Variants in SASH1 observed in about 807,000 individuals in gnomAD.
SASH1 encodes the protein SAM and SH3 domain-containing protein 1.
A neutral mutation model predicts 125.2 loss-of-function variants in SASH1; 44 were observed. The observed-to-expected ratio is 0.35, with a 90% CI of 0.28 to 0.45. The LOEUF is 0.45. Among genes scored for constraint, SASH1 ranks in the 20% least tolerant of loss-of-function variants. The pLI, the probability that SASH1 is intolerant of heterozygous loss-of-function variation, is 1.00. For synonymous variants in SASH1, 639 were observed against 649.1 expected (o/e 0.98, Z 0.24); for missense variants, 1,426 against 1,614.5 (o/e 0.88, Z 2.00).
exon 1 of SASH1, chr6:148,272,323 A>T: frequency 2.1e-6 from 1 of 470,534 alleles, no homozygotes; most frequent in Non-Finnish European, 4.4e-6. Flanking sequence ...AGGAAGTCAG[A>T]GACCATTTGA....
rs563129102 is a variant in SASH1 at position 148,482,607 on chromosome 6, G to A, written c.628-5007G>A. Reference sequence around the variant, plus strand: ...CGTGATAATGGTTCACTGCAGCCTCGACCTTCCAGGCTCAAGCAGTTCTCA... The same window carrying A: ...CGTGATAATGGTTCACTGCAGCCTCAACCTTCCAGGCTCAAGCAGTTCTCA... On this transcript the variant is annotated intron_variant, in intron 7 of 19. Transcript: ENST00000367467. Among the ~76,000 whole-genome samples, 5 of 149,154 alleles carry A rather than the reference G, an allele frequency of 3.4e-5. No homozygotes were observed. In the South Asian group the frequency reaches 6.4e-4, roughly 19 times the overall value.
At chr6:148,469,909 C>T (rs6905683) in intron 5 of SASH1, among the ~76,000 whole-genome samples, 9,210 of 151,750 alleles carry the variant, frequency 0.061, 392 homozygotes, top group African/African-American at 0.12. Flanking sequence ...GCCTGCAATC[C>T]CAGCTATTCA....
At position 148,511,324 on chromosome 6, in the gene SASH1, TACACACACACAC is replaced by T. The variant is rs58822082; in HGVS notation, c.730-2961_730-2950del. Among the ~76,000 whole-genome samples, 355 of 135,460 alleles carry T rather than the reference TACACACACACAC, an allele frequency of 2.6e-3. 1 individual carries two copies. Among genetic ancestry groups the T allele is most frequent in the East Asian group, 4.9e-3 (22 of 4,480 alleles). The allele number at this position is 135,460 out of a possible 152,430, so 88.9% of individuals were successfully genotyped here. On this transcript the variant is annotated intron_variant, in intron 8 of 19. Transcript: ENST00000367467. ...GCTGACTTCTAGGTTAATTTTCTAT[TACACACACACAC>T]ACACACACACACACACACACACACA... is the stretch of plus-strand genomic sequence containing the variant.
At chr6:148,545,630 A>G (rs1180727090) in intron 18 of SASH1, among the ~76,000 whole-genome samples, 4 of 152,252 alleles carry the variant, frequency 2.6e-5, no homozygotes, top group Non-Finnish European at 4.4e-5. Context: ...AGGCGAAGGC[A>G]TTGTCCTGAA....
Position 148,425,679 on chromosome 6 carries a change from TTCCCCTCCCC to T in SASH1, c.286-14493_286-14484del, listed in dbSNP as rs1180563230. Among the ~76,000 whole-genome samples, 3 of 147,110 alleles carry T rather than the reference TTCCCCTCCCC, an allele frequency of 2.0e-5. No individual in the cohort carries two copies. The East Asian group carries it at 6.0e-4, about 29-fold the overall frequency. On this transcript the variant is annotated intron_variant, in intron 2 of 19. Transcript: ENST00000367467. ...TCACTAATACTCTGATTTTTTCTCT[TTCCCCTCCCC>T]TCCCCTCCCCTTCTCCCCTCCCATC...
Position 148,514,463 on chromosome 6 carries a change from A to T in SASH1, c.862+7A>T. 1 of 836,134 alleles carries T rather than the reference A, an allele frequency of 1.2e-6. No individual in the cohort carries two copies. The highest frequency in any genetic ancestry group is 2.5e-5 in the South Asian group (1 of 39,530). The allele number at this position is 836,134 out of a possible 1,614,324, so 51.8% of individuals were successfully genotyped here. A position where few individuals can be genotyped will look rare whatever the true frequency, so the allele number is the denominator to read the frequency against. ...AAAAAACCCAGCACTGAAGGTAAAA[A>T]AAAAAAAAAAAAAAAAAAAAAAAGG... is the stretch of plus-strand genomic sequence containing the variant. On this transcript the variant is annotated splice_region_variant and intron_variant, in intron 9 of 19. Transcript: ENST00000367467.
intron 1 of SASH1, among the ~76,000 whole-genome samples, chr6:148,327,536 G>A (rs1029707475): frequency 1.3e-5 from 2 of 151,220 alleles, no homozygotes; most frequent in African/African-American, 2.4e-5. Context: ...ACCCGCCTTG[G>A]CCTCCCAAAG....
intron 1 of SASH1, among the ~76,000 whole-genome samples, chr6:148,309,165 G>C (rs1780230565): frequency 6.6e-6 from 1 of 151,928 alleles, no homozygotes; most frequent in Admixed American, 6.6e-5. Context: ...ATGCTGCCTG[G>C]GGGGAAAAAA....
In SASH1 at chr6:148,387,635, T is replaced by G. The variant is rs866768214; in HGVS notation, c.157-2499T>G. ...TTCTTTCTTTCTTTCTTTCTTTCTT[T>G]CTTTCTTTCTTTCTTTCTTTCTTTC... On this transcript the variant is annotated intron_variant, in intron 1 of 19. Coordinates refer to ENST00000367467, the MANE Select transcript of SASH1 (RefSeq NM_015278.5). 1.8e-4 allele frequency among the ~76,000 whole-genome samples: 9 copies of G among 50,402 alleles called. 1 individual carries two copies. The highest frequency in any genetic ancestry group is 6.7e-4 in the African/African-American group (9 of 13,480). 33.1% of individuals were successfully genotyped at this position (50,402 alleles called of 152,430 possible). A position where few individuals can be genotyped will look rare whatever the true frequency, so the allele number is the denominator to read the frequency against.
At chr6:148,518,477 C>T (rs75414505) in intron 9 of SASH1, among the ~76,000 whole-genome samples, 5,164 of 152,272 alleles carry the variant, frequency 0.034, 122 homozygotes, top group Non-Finnish European at 0.052. Flanking sequence ...TTCTTTTCCC[C>T]TCTGAGTTTT....
chr6:148,512,606 A>T, intron 8 of SASH1: 1 of 984,324 alleles, frequency 1.0e-6, no homozygotes. Flanking sequence ...ATTTTGTATT[A>T]TGAACTACAC....
chr6:148,338,245 G>A (rs1445243191), upstream of SASH1, among the ~76,000 whole-genome samples: 1 of 151,996 alleles, frequency 6.6e-6, no homozygotes, highest in Non-Finnish European at 1.5e-5. Flanking sequence ...TGGCCAACAT[G>A]GTGAAATCCC....
rs112235300 is a variant in SASH1 at position 148,421,818 on chromosome 6, C to T, written c.286-18366C>T. ...TTGTGCTTTTAAACTATATTGCTCT[C>T]GTTATTTATAAGAGCACACATATTT... is the stretch of plus-strand genomic sequence containing the variant. On this transcript the variant is annotated intron_variant, in intron 2 of 19. Transcript: ENST00000367467. Among the ~76,000 whole-genome samples, 701 of 152,300 alleles carry T rather than the reference C, an allele frequency of 4.6e-3. 6 individuals carry two copies. The highest frequency in any genetic ancestry group is 0.013 in the African/African-American group (520 of 41,570).
At chr6:148,463,740 C>T (rs916632632) in intron 4 of SASH1, among the ~76,000 whole-genome samples, 5 of 152,224 alleles carry the variant, frequency 3.3e-5, no homozygotes, top group African/African-American at 4.8e-5. Context: ...GTTTAATAAG[C>T]ACCGCACACT....
intron 1 of SASH1, 86 bp downstream of exon 1, chr6:148,343,309 C>A: frequency 7.6e-7 from 1 of 1,313,086 alleles, no homozygotes. Flanking sequence ...CGCCCACCCA[C>A]TGGGCAACCC....
intron 2 of SASH1, among the ~76,000 whole-genome samples, chr6:148,421,462 CCCAGCTAATTTTTGT>C (rs1304548808): frequency 1.3e-5 from 2 of 152,210 alleles, no homozygotes; most frequent in East Asian, 3.8e-4. Context: ...TGCCACCATG[CCCAGCTAATTTTTGT>C]ATTTTTAGTA....
intron 1 of SASH1, among the ~76,000 whole-genome samples, chr6:148,314,432 A>T (rs1780425155): frequency 6.6e-6 from 1 of 152,182 alleles, no homozygotes; most frequent in South Asian, 2.1e-4. Context: ...AACAAATCCC[A>T]ATTATTAATC....
intron 1 of SASH1, among the ~76,000 whole-genome samples, chr6:148,298,974 TTA>T: frequency 6.6e-6 from 1 of 152,310 alleles, no homozygotes; most frequent in East Asian, 1.9e-4. Flanking sequence ...AGCCATTAGG[TTA>T]TGTTTTCTCT....
chr6:148,459,855 CTG>C (rs1777537119), intron 4 of SASH1, among the ~76,000 whole-genome samples: 1 of 152,134 alleles, frequency 6.6e-6, no homozygotes, highest in African/African-American at 2.4e-5. Flanking sequence ...TAGCAGGAAA[CTG>C]GGAATCAGTG....
Sources: gnomAD v4.1 joint callset for allele counts (sites outside exome capture counted in the v4.1 genomes callset) on GRCh38, gnomAD v4.1.1 for gene constraint, MANE v1.5 for transcripts, NCBI Gene and HGNC (gene_info 2026-07-23, HGNC 2026-07-21) for gene names.